Variants in CFAP45 observed in about 807,000 individuals in gnomAD.
The protein encoded by CFAP45 is cilia and flagella associated protein 45.
A neutral mutation model predicts 75.6 loss-of-function variants in CFAP45; 43 were observed. The observed-to-expected ratio is 0.57, with a 90% confidence interval of 0.45 to 0.73. The LOEUF (loss-of-function observed/expected upper bound fraction) is 0.73. CFAP45 is among the 30% of genes least tolerant of loss of function. The pLI, the probability that CFAP45 is intolerant of heterozygous loss-of-function variation, is 0.00. For synonymous variants in CFAP45, 223 were observed against 244.6 expected (o/e 0.91, Z 0.82); for missense variants, 689 against 701.5 (o/e 0.98, Z 0.20).
At chr1:159,872,639 G>A in intron 11 of CFAP45, 76 bp from the exon 12 acceptor site, 1 of 1,314,544 alleles carries the variant, frequency 7.6e-7, no homozygotes, top group Non-Finnish European at 1.1e-6. Flanking sequence ...GGCTCTGGGT[G>A]GGGTTTACAG....
intron 7 of CFAP45, among the ~76,000 whole-genome samples, chr1:159,883,267 G>GTTTA (rs1320040123): frequency 6.7e-6 from 1 of 149,520 alleles, no homozygotes; most frequent in African/African-American, 2.4e-5. Flanking sequence ...AAATATCAGT[G>GTTTA]TTATAAAAAT....
chr1:159,898,882 C>T lies in CFAP45; in HGVS notation c.3+1214G>A, dbSNP rs78361467. 4.0e-3 allele frequency among the ~76,000 whole-genome samples: 606 copies of T among 152,200 alleles called. 3 individuals are homozygous for T. Among genetic ancestry groups the T allele is most frequent in the Non-Finnish European group, 6.0e-3 (411 of 68,010 alleles). On this transcript the variant is annotated intron_variant, in intron 1 of 11. Transcript: ENST00000368099. The stretch of plus-strand genomic sequence containing the variant: ...CAATTACAACACTGCAGGGAGTCCT[C>T]GAAAGTCAGGAACTGCTCTTTGTTG...
rs151098186 is a variant in CFAP45 at position 159,893,255 on chromosome 1, C to A, written c.54G>T (p.Arg18Ser). 28 of 1,613,850 alleles carry A rather than the reference C, an allele frequency of 1.7e-5. No individual in the cohort carries two copies. Among genetic ancestry groups the A allele is most frequent in the Non-Finnish European group, 2.4e-5 (28 of 1,179,968 alleles). ...TCCGATAGCGAGCCTTATTCCTTGA[C>A]CTGTTGGAAGCGGCAGAAGAGGAGC... Reference protein sequence around the residue: ...ILSSSSAASNRSRNKARYRTK... With the variant: ...ILSSSSAASNSSRNKARYRTK... Residue 18 changes from arginine (R) to serine (S), a missense_variant, in exon 2 of 12, where the codon AGG (arginine) becomes AGT (serine). Physicochemically the swap from Arg to Ser is moderately radical, Grantham distance 110. Coordinates refer to ENST00000368099, the MANE Select transcript of CFAP45 (RefSeq NM_012337.3).
At chr1:159,893,158 G>C (rs368787534) in intron 2 of CFAP45, 22 bp downstream of exon 2, 1 of 1,612,726 alleles carries the variant, frequency 6.2e-7, no homozygotes, top group Non-Finnish European at 8.5e-7. Flanking sequence ...GCATCAACTT[G>C]AAAGGACTTG....
At chr1:159,874,541 A>T (rs1447079107) in intron 10 of CFAP45, among the ~76,000 whole-genome samples, 2 of 152,140 alleles carry the variant, frequency 1.3e-5, no homozygotes, top group Non-Finnish European at 2.9e-5. Context: ...TTGCCTTGCC[A>T]TTGTTTTCCT....
At chr1:159,873,633 G>A (rs1268989962) in intron 10 of CFAP45, among the ~76,000 whole-genome samples, 1 of 152,108 alleles carries the variant, frequency 6.6e-6, no homozygotes, top group East Asian at 1.9e-4. Context: ...ACCACACCCA[G>A]CTAATTTTTT....
intron 3 of CFAP45, among the ~76,000 whole-genome samples, chr1:159,889,575 A>G (rs994479655): frequency 1.3e-5 from 2 of 152,216 alleles, no homozygotes; most frequent in Admixed American, 6.5e-5. Flanking sequence ...AGCATCCCTG[A>G]AAAATAACCA....
intron 1 of CFAP45, among the ~76,000 whole-genome samples, chr1:159,895,756 T>C (rs1480401199): frequency 6.6e-6 from 1 of 152,100 alleles, no homozygotes; most frequent in East Asian, 1.9e-4. Flanking sequence ...CCACCAAAAA[T>C]AGAATAAGAG....
intron 1 of CFAP45, among the ~76,000 whole-genome samples, chr1:159,899,656 G>A (rs1046995455): frequency 1.3e-5 from 2 of 151,420 alleles, no homozygotes; most frequent in Non-Finnish European, 3.0e-5. Flanking sequence ...TTTAGTAGAG[G>A]CGGGGTTTCA....
At chr1:159,873,978 C>G (rs1208738557) in intron 10 of CFAP45, among the ~76,000 whole-genome samples, 1 of 151,910 alleles carries the variant, frequency 6.6e-6, no homozygotes, top group East Asian at 1.9e-4. Context: ...AAGGAAGGAG[C>G]TCAGCCTGAT....
chr1:159,888,603 C>T, intron 3 of CFAP45, 107 bp from the exon 4 acceptor site: 1 of 1,045,152 alleles, frequency 9.6e-7, no homozygotes, highest in Non-Finnish European at 1.4e-6. Flanking sequence ...CAGTGGACTC[C>T]CCCAATGGCA....
chr1:159,891,056 G>A lies in CFAP45; in HGVS notation c.130-434C>T, dbSNP rs530437653. On this transcript the variant is annotated intron_variant, in intron 2 of 11. Coordinates refer to ENST00000368099, the MANE Select transcript of CFAP45 (RefSeq NM_012337.3). ...TTACAGGCGTGAGCCACCATGCCCAGCCCTGACCAGCTTTTCTGAAAACAA... is the reference window on the plus strand; with the variant it reads ...TTACAGGCGTGAGCCACCATGCCCAACCCTGACCAGCTTTTCTGAAAACAA... Among the ~76,000 whole-genome samples, 11 of 152,308 alleles carry A rather than the reference G, an allele frequency of 7.2e-5. No homozygotes were observed. In the South Asian group the frequency reaches 2.1e-3, roughly 29 times the overall value.
chr1:159,880,803 T>G (rs1649531776), intron 7 of CFAP45, 103 bp from the exon 8 acceptor site: 2 of 1,058,080 alleles, frequency 1.9e-6, no homozygotes, highest in Non-Finnish European at 2.8e-6. Flanking sequence ...GGCAAATGCA[T>G]TGCCTGCAGT....
rs2101856137 is a variant in CFAP45, at chr1:159,900,160, A to G, written c.-62T>C. The G allele has an allele frequency of 1.2e-6, 2 of 1,611,622 alleles. No homozygotes were observed. Among genetic ancestry groups the G allele is most frequent in the Non-Finnish European group, 1.7e-6 (2 of 1,178,236 alleles). Reference sequence around the variant, plus strand: ...GCCGCCTCGGCGCCGCCAAGGCCCTAGTGTTGACGCGTTACCTTGGCAACC... The same window carrying G: ...GCCGCCTCGGCGCCGCCAAGGCCCTGGTGTTGACGCGTTACCTTGGCAACC... On this transcript the variant is annotated 5_prime_UTR_variant, in exon 1 of 12. Transcript: ENST00000368099.
At chr1:159,893,399 G>T (rs1649874933) in intron 1 of CFAP45, 94 bp from the exon 2 acceptor site, 3 of 1,245,342 alleles carry the variant, frequency 2.4e-6, no homozygotes, top group Non-Finnish European at 3.5e-6. Context: ...TGGGGGAGTG[G>T]GTGGGCATGT....
intron 1 of CFAP45, among the ~76,000 whole-genome samples, chr1:159,896,556 G>A (rs958147479): frequency 3.3e-5 from 5 of 152,222 alleles, no homozygotes; most frequent in African/African-American, 7.2e-5. Context: ...AGGCAATAGC[G>A]AAGAAGTTCT....
At chr1:159,884,732 C>A (rs1016839462) in intron 6 of CFAP45, among the ~76,000 whole-genome samples, 167 bp from the exon 7 acceptor site, 25 of 152,142 alleles carry the variant, frequency 1.6e-4, no homozygotes, top group Admixed American at 1.5e-3. Flanking sequence ...GTCCCTCCCC[C>A]AGGAAGGACC....
At chr1:159,897,866 AAAACAAAC>A (rs959146400) in intron 1 of CFAP45, among the ~76,000 whole-genome samples, 1 of 152,212 alleles carries the variant, frequency 6.6e-6, no homozygotes, top group Non-Finnish European at 1.5e-5. Context: ...CCTAAAAAAG[AAAACAAAC>A]AAACAAACAA....
rs528867031 is a variant in CFAP45 at position 159,877,467 on chromosome 1, C to T, written c.1045-5G>A. 17 of 1,608,192 alleles carry T rather than the reference C, an allele frequency of 1.1e-5. No homozygotes were observed. The highest frequency in any genetic ancestry group is 1.6e-4 in the Middle Eastern group (1 of 6,074). On this transcript the variant is annotated splice_polypyrimidine_tract_variant and splice_region_variant and intron_variant, in intron 8 of 11. Coordinates refer to ENST00000368099, the MANE Select transcript of CFAP45 (RefSeq NM_012337.3). Reference sequence around the variant, plus strand: ...CTCAAACTCTGCTTCTCGAGCCTGCCGGAAGGAAAGGCCTTGTAGAATAGT... The same window carrying T: ...CTCAAACTCTGCTTCTCGAGCCTGCTGGAAGGAAAGGCCTTGTAGAATAGT...
Sources: gnomAD v4.1 joint callset for allele counts (sites outside exome capture counted in the v4.1 genomes callset) on GRCh38, gnomAD v4.1.1 for gene constraint, MANE v1.5 for transcripts, NCBI Gene and HGNC (gene_info 2026-07-23, HGNC 2026-07-21) for gene names.